Variants in BTD observed in about 807,000 individuals in gnomAD.
BTD encodes the protein biotinidase.
Under a neutral mutation model 17.7 loss-of-function variants are expected in BTD, and 13 were observed. That is an observed-to-expected ratio of 0.74 (90% CI 0.48 to 1.17). BTD has a LOEUF of 1.17. BTD is among the 50% of genes most tolerant of loss of function. The pLI is 0.00. For missense variants in BTD, 674 were observed against 650.4 expected (o/e 1.04, Z -0.39); for synonymous variants, 240 against 245.2 (o/e 0.98, Z 0.20).
chr3:15,708,133 GACTCTT>G, intron 3 of BTD: 1 of 1,490,646 alleles, frequency 6.7e-7, no homozygotes, highest in Non-Finnish European at 9.1e-7. Context: ...AAGCATAGTT[GACTCTT>G]ACTCCTCCCA....
At chr3:15,720,853 C>T in intron 4 of BTD, 1 of 1,438,420 alleles carries the variant, frequency 7.0e-7, no homozygotes, top group Non-Finnish European at 9.6e-7. Context: ...ATGGTATTCA[C>T]CATTGATGTT....
Position 15,609,397 on chromosome 3 carries a change from T to C in BTD, c.-17+7503T>C, listed in dbSNP as rs774800445. 2.6e-4 allele frequency among the ~76,000 whole-genome samples: 39 copies of C among 152,214 alleles called. 1 individual carries two copies. The highest frequency in any genetic ancestry group is 4.7e-4 in the Non-Finnish European group (32 of 68,038). ...TATCCATTCTTTAGATGATCGATAT[T>C]TGGTCATTTTTAGTTTTTTTGGAAA... On this transcript the variant is annotated intron_variant, in intron 1 of 3. Coordinates refer to ENST00000643237, the MANE Select transcript of BTD (RefSeq NM_001370658.1).
rs992764360 is a variant in BTD at position 15,650,307 on chromosome 3, A to G, written c.*4819A>G. The stretch of plus-strand genomic sequence containing the variant: ...ACTGAAGTAAAACAAAAATCTGAAT[A>G]ACAGCTGCACCGTTAAAAATGAAAT... On this transcript the variant is annotated 3_prime_UTR_variant, in exon 4 of 4. Coordinates refer to ENST00000643237, the MANE Select transcript of BTD (RefSeq NM_001370658.1). Among the ~76,000 whole-genome samples, 1 of 152,264 alleles carries G rather than the reference A, an allele frequency of 6.6e-6. No individual in the cohort carries two copies. The highest frequency in any genetic ancestry group is 2.4e-5 in the African/African-American group (1 of 41,478).
chr3:15,703,957 T>C (rs1181006298), intron 3 of BTD, among the ~76,000 whole-genome samples: 1 of 152,172 alleles, frequency 6.6e-6, no homozygotes, highest in Non-Finnish European at 1.5e-5. Context: ...ATGATGGTTA[T>C]CTCAGGAGAG....
intron 3 of BTD, among the ~76,000 whole-genome samples, chr3:15,661,446 G>A (rs2065923879): frequency 6.6e-6 from 1 of 151,596 alleles, no homozygotes. Context: ...TTTGCCACCT[G>A]TATCTTCTTT....
intron 1 of BTD, among the ~76,000 whole-genome samples, chr3:15,609,998 T>G (rs186350931): frequency 6.6e-6 from 1 of 152,338 alleles, no homozygotes; most frequent in Admixed American, 6.5e-5. Flanking sequence ...TTTTCATATT[T>G]AAGTCACTAC....
intron 3 of BTD, among the ~76,000 whole-genome samples, chr3:15,688,820 A>T (rs1235049529): frequency 6.6e-6 from 1 of 152,258 alleles, no homozygotes; most frequent in Non-Finnish European, 1.5e-5. Flanking sequence ...GCTACATCAT[A>T]ATATCACAAT....
chr3:15,692,623 C>T (rs1046386484), intron 3 of BTD, among the ~76,000 whole-genome samples: 12 of 152,174 alleles, frequency 7.9e-5, no homozygotes, highest in African/African-American at 1.2e-4. Flanking sequence ...CTCCTTAAGC[C>T]TCAGATCAGT....
chr3:15,658,977 TC>T (rs2065897249), intron 3 of BTD, among the ~76,000 whole-genome samples: 1 of 152,150 alleles, frequency 6.6e-6, no homozygotes, highest in Non-Finnish European at 1.5e-5. Flanking sequence ...CCCTGCTGCC[TC>T]CCACTGATCA....
At chr3:15,621,098 C>T (rs983154337) in intron 1 of BTD, among the ~76,000 whole-genome samples, 4 of 152,182 alleles carry the variant, frequency 2.6e-5, no homozygotes, top group African/African-American at 7.2e-5. Flanking sequence ...TTTCTGTTTT[C>T]GTTCTCTCTT....
At chr3:15,633,600 A>G (rs9310481) in intron 1 of BTD, among the ~76,000 whole-genome samples, 6,552 of 152,296 alleles carry the variant, frequency 0.043, 404 homozygotes, top group African/African-American at 0.14. Context: ...CAGTTGAGAA[A>G]GAGATGTAAT....
intron 3 of BTD, chr3:15,677,701 A>G (rs147317991): frequency 0.015 from 7,962 of 528,278 alleles, 114 homozygotes; most frequent in Middle Eastern, 0.06. Context: ...ATATTGTAAT[A>G]TATAACATAT....
Position 15,635,372 on chromosome 3 carries a change from C to T in BTD, c.-16-52C>T, listed in dbSNP as rs761302883. On this transcript the variant is annotated intron_variant, in intron 1 of 3. Coordinates refer to ENST00000643237, the MANE Select transcript of BTD (RefSeq NM_001370658.1). This position sits in a 1 kb window ranked among gnomAD's most constrained non-coding sequence, Gnocchi z 4.1. ...AAATCACAGCTGCAAACGTTAAATTCTTGGCAGGATTCTTTATTCAGCTGT... is the reference window on the plus strand; with the variant it reads ...AAATCACAGCTGCAAACGTTAAATTTTTGGCAGGATTCTTTATTCAGCTGT... 2 of 1,612,858 alleles carry T rather than the reference C, an allele frequency of 1.2e-6. No individual in the cohort carries two copies. The highest frequency in any genetic ancestry group is 1.7e-6 in the Non-Finnish European group (2 of 1,179,284).
intron 3 of BTD, among the ~76,000 whole-genome samples, chr3:15,700,981 A>G (rs961071833): frequency 6.6e-6 from 1 of 152,196 alleles, no homozygotes; most frequent in African/African-American, 2.4e-5. Context: ...ATTCAGTGAT[A>G]ATTTGTTTGG....
Position 15,648,003 on chromosome 3 carries a change from G to A in BTD, c.*2515G>A, listed in dbSNP as rs1039193482. ...GCCCCTGCTGAGGGAAACCCACCCA[G>A]GCCACTTTTCCCCACAGGTGGCCCT... On this transcript the variant is annotated 3_prime_UTR_variant, in exon 4 of 4. Coordinates refer to ENST00000643237, the MANE Select transcript of BTD (RefSeq NM_001370658.1). 3.3e-5 allele frequency among the ~76,000 whole-genome samples: 5 copies of A among 152,162 alleles called. No individual in the cohort carries two copies. The highest frequency in any genetic ancestry group is 7.4e-5 in the Non-Finnish European group (5 of 68,024).
intron 3 of BTD, among the ~76,000 whole-genome samples, chr3:15,673,050 C>T (rs2066544068): frequency 6.6e-6 from 1 of 152,150 alleles, no homozygotes; most frequent in Non-Finnish European, 1.5e-5. Context: ...GTGCTAGGAC[C>T]ATAGGCATGG....
chr3:15,613,810 G>A (rs17041367), intron 1 of BTD, among the ~76,000 whole-genome samples: 1 of 151,924 alleles, frequency 6.6e-6, no homozygotes, highest in African/African-American at 2.4e-5. Flanking sequence ...AGGCCATTCT[G>A]GTTCACAGTT....
rs1467619511 is a variant in BTD, at chr3:15,684,022, T to C, written c.400-26038T>C. 2.6e-5 allele frequency: 4 copies of C among 152,348 alleles called. No homozygotes were observed. The East Asian group carries it at 7.7e-4, about 29-fold the overall frequency. 9.4% of individuals were successfully genotyped at this position (152,348 alleles called of 1,614,324 possible). A position where few individuals can be genotyped will look rare whatever the true frequency, so the allele number is the denominator to read the frequency against. ...ATTAGAATTGTGAACTACAGCTTTGTAGATCTGCTGTCATAATTAACATTA... is the reference window on the plus strand; with the variant it reads ...ATTAGAATTGTGAACTACAGCTTTGCAGATCTGCTGTCATAATTAACATTA... On this transcript the variant is annotated intron_variant, in intron 3 of 3. Coordinates refer to the BTD transcript ENST00000672141.
chr3:15,679,155 G>A (rs2067264222), intron 3 of BTD: 2 of 676,780 alleles, frequency 3.0e-6, no homozygotes, highest in Non-Finnish European at 5.1e-6. Flanking sequence ...TTTTGGTAGA[G>A]ATGCAGGTCT....
Sources: gnomAD v4.1 joint callset for allele counts (sites outside exome capture counted in the v4.1 genomes callset) on GRCh38, gnomAD v4.1.1 for gene constraint, Gnocchi (gnomAD v3.1) non-coding constraint, MANE v1.5 for transcripts, NCBI Gene and HGNC (gene_info 2026-07-23, HGNC 2026-07-21) for gene names.